WDR1: variants seen among roughly 807,000 people sequenced by gnomAD.
The protein encoded by WDR1 is WD repeat-containing protein 1.
WDR1 carries 21 observed loss-of-function variants against 71.9 expected under a neutral mutation model. The observed-to-expected ratio is 0.29, with a 90% CI of 0.21 to 0.42. WDR1 has a LOEUF of 0.42. WDR1 is among the 10% of genes least tolerant of loss of function. The pLI, the probability that WDR1 is intolerant of heterozygous loss-of-function variation, is 1.00. For missense variants in WDR1, 696 were observed against 824.5 expected (o/e 0.84, Z 1.91); for synonymous variants, 424 against 347.4 (o/e 1.22, Z -2.45).
chr4:10,078,824 C>T, intron 12 of WDR1, 67 bp downstream of exon 12: 1 of 1,399,284 alleles, frequency 7.1e-7, no homozygotes, highest in Non-Finnish European at 1.0e-6. Context: ...ACTCACACAG[C>T]TCACACTGTC....
chr4:10,080,084 T>C (rs1450378241), intron 11 of WDR1, among the ~76,000 whole-genome samples: 1 of 152,122 alleles, frequency 6.6e-6, no homozygotes, highest in Non-Finnish European at 1.5e-5. Context: ...AAATGCCACA[T>C]GAGGAGGTGC....
intron 7 of WDR1, 30 bp downstream of exon 7, chr4:10,088,263 C>G: frequency 6.5e-7 from 1 of 1,548,392 alleles, no homozygotes; most frequent in Non-Finnish European, 8.7e-7. Context: ...AAATTCCCAC[C>G]ACTAGGCCGG....
intron 2 of WDR1, among the ~76,000 whole-genome samples, chr4:10,115,471 G>T (rs1431829010): frequency 6.6e-6 from 1 of 152,228 alleles, no homozygotes; most frequent in African/African-American, 2.4e-5. Context: ...TGGCCCAGAG[G>T]CCCGGGTGTT....
intron 3 of WDR1, among the ~76,000 whole-genome samples, chr4:10,101,470 T>C (rs970687643): frequency 5.9e-5 from 9 of 152,182 alleles, no homozygotes; most frequent in Non-Finnish European, 8.8e-5. Context: ...GCCTTAACAA[T>C]TGCTTCGCTC....
At chr4:10,075,611 T>C (rs879641100) in intron 14 of WDR1, 127 bp from the exon 15 acceptor site, 80 of 851,834 alleles carry the variant, frequency 9.4e-5, no homozygotes, top group Non-Finnish European at 1.5e-4. Flanking sequence ...CCACGAATCG[T>C]TGTAACTCAG....
chr4:10,079,703 A>T (rs1418164634), intron 11 of WDR1, among the ~76,000 whole-genome samples: 1 of 152,206 alleles, frequency 6.6e-6, no homozygotes, highest in Non-Finnish European at 1.5e-5. Context: ...CCAAGCCACC[A>T]GCTGTCATGA....
At chr4:10,079,854 G>A (rs994188446) in intron 11 of WDR1, among the ~76,000 whole-genome samples, 2 of 152,306 alleles carry the variant, frequency 1.3e-5, no homozygotes, top group South Asian at 2.1e-4. Flanking sequence ...TCTGGAGGTG[G>A]CCTTACCTAC....
At chr4:10,081,663 T>TGG (rs57903680) in intron 10 of WDR1, among the ~76,000 whole-genome samples, 2,221 of 73,100 alleles carry the variant, frequency 0.03, 63 homozygotes, top group Non-Finnish European at 0.048. Flanking sequence ...CGGGGAGGGG[T>TGG]GGGGGGGGGG....
At chr4:10,114,939 C>T (rs1194356770) in intron 2 of WDR1, among the ~76,000 whole-genome samples, 1 of 152,180 alleles carries the variant, frequency 6.6e-6, no homozygotes, top group Non-Finnish European at 1.5e-5. Context: ...AGCAGCTCTT[C>T]GGACCAAGAG....
chr4:10,079,389 G>A (rs1423083544), intron 11 of WDR1, among the ~76,000 whole-genome samples: 1 of 152,270 alleles, frequency 6.6e-6, no homozygotes, highest in Non-Finnish European at 1.5e-5. Context: ...GCGCTCTGCT[G>A]TGAGTGTTCC....
intron 8 of WDR1, among the ~76,000 whole-genome samples, chr4:10,087,196 T>A (rs1711632468): frequency 1.3e-5 from 2 of 152,172 alleles, no homozygotes; most frequent in African/African-American, 4.8e-5. Context: ...AACTCCAGTA[T>A]CTCCTTCACA....
At chr4:10,093,104 A>G in intron 5 of WDR1, 6 of 1,289,394 alleles carry the variant, frequency 4.7e-6, no homozygotes, top group Non-Finnish European at 6.1e-6. Context: ...CCATGTCAAC[A>G]TCACAGAGCG....
intron 5 of WDR1, 121 bp downstream of exon 5, chr4:10,097,590 C>T: frequency 8.2e-7 from 1 of 1,225,064 alleles, no homozygotes; most frequent in Non-Finnish European, 1.1e-6. Flanking sequence ...GAGCCCACTT[C>T]TGTGTATCAT....
At chr4:10,083,794 A>T (rs1765105600) in intron 9 of WDR1, among the ~76,000 whole-genome samples, 1 of 152,238 alleles carries the variant, frequency 6.6e-6, no homozygotes, top group Non-Finnish European at 1.5e-5. Context: ...GCCCCAGGCC[A>T]TGCAGGAAAA....
intron 2 of WDR1, among the ~76,000 whole-genome samples, chr4:10,113,421 G>A (rs1713513122): frequency 6.6e-6 from 1 of 152,198 alleles, no homozygotes; most frequent in African/African-American, 2.4e-5. Flanking sequence ...CTGAGAAAAT[G>A]TCCAGGCAAA....
At position 10,116,796 on chromosome 4, in the gene WDR1, G is replaced by T; in HGVS notation, c.-130C>A. 9.0e-7 allele frequency: 1 copy of T among 1,106,854 alleles called. No individual in the cohort carries two copies. Among genetic ancestry groups the T allele is most frequent in the Non-Finnish European group, 1.1e-6 (1 of 880,290 alleles). 68.6% of individuals were successfully genotyped at this position (1,106,854 alleles called of 1,614,324 possible). A position where few individuals can be genotyped will look rare whatever the true frequency, so the allele number is the denominator to read the frequency against. ...GGCGGCACCGGGCGTGCCGGGAGTG[G>T]AGTGGGCGGTCCGAGGCCGGGGCTC... On this transcript the variant is annotated 5_prime_UTR_variant, in exon 1 of 15. Coordinates refer to ENST00000499869, the MANE Select transcript of WDR1 (RefSeq NM_017491.5).
chr4:10,084,705 G>A (rs749690102), intron 8 of WDR1, among the ~76,000 whole-genome samples, 175 bp from the exon 9 acceptor site: 34 of 152,198 alleles, frequency 2.2e-4, no homozygotes, highest in Non-Finnish European at 8.8e-5. Context: ...CACGGCCCAC[G>A]AGCCCTAAGA....
rs1711678749 is a variant in WDR1, at chr4:10,087,770, G to A, written c.888C>T (p.Ser296=). 1 of 1,602,082 alleles carries A rather than the reference G, an allele frequency of 6.2e-7. No individual in the cohort carries two copies. Among genetic ancestry groups the A allele is most frequent in the Non-Finnish European group, 8.5e-7 (1 of 1,174,108 alleles). Residue 296 remains serine (S), a synonymous_variant, in exon 8 of 15, where the codon TCC becomes TCT. Transcript: ENST00000499869. ...CCAGATAGTTGATGTACCCGGACAG[G>A]GAGACACTGAGCAGGTGGTCCTTCT... ...LWQKDHLLSV[S]LSGYINYLDR...
At chr4:10,088,411 G>A in intron 6 of WDR1, 38 bp from the exon 7 acceptor site, 1 of 1,533,178 alleles carries the variant, frequency 6.5e-7, no homozygotes, top group Non-Finnish European at 8.8e-7. Context: ...ATGTGTGTGT[G>A]AACACCCTCT....
Sources: allele counts gnomAD v4.1 joint callset (sites outside exome capture counted in the v4.1 genomes callset), GRCh38; gene constraint gnomAD v4.1.1; transcripts MANE v1.5; gene names NCBI Gene and HGNC (gene_info 2026-07-23, HGNC 2026-07-21).